PDE1C: variants seen among roughly 807,000 people sequenced by gnomAD.
PDE1C encodes dual specificity calcium/calmodulin-dependent 3',5'-cyclic nucleotide phosphodiesterase 1C.
In PDE1C, 62 loss-of-function variants were observed where a neutral mutation model predicts 93.1. The ratio of observed to expected loss-of-function variants is 0.67; its 90% confidence interval spans 0.54 to 0.82. The LOEUF is 0.82. PDE1C is among the 40% of genes least tolerant of loss of function. The pLI, the probability that PDE1C is intolerant of heterozygous loss-of-function variation, is 0.00. For synonymous variants in PDE1C, 325 were observed against 310.1 expected (o/e 1.05, Z -0.50); for missense variants, 742 against 884.6 (o/e 0.84, Z 2.04).
chr7:32,070,406 G>T lies in PDE1C; in HGVS notation c.-13C>A, dbSNP rs775074520. The T allele has an allele frequency of 6.2e-7, 1 of 1,613,910 alleles. No individual in the cohort carries two copies. Among genetic ancestry groups the T allele is most frequent in the African/African-American group, 1.3e-5 (1 of 74,942 alleles). ...TTGGCGACTCCATAGCTGCAGGTAGGTGACCACTGGCGGTGAAGCTGAGAT... is the reference window on the plus strand; with the variant it reads ...TTGGCGACTCCATAGCTGCAGGTAGTTGACCACTGGCGGTGAAGCTGAGAT... On this transcript the variant is annotated 5_prime_UTR_variant, in exon 1 of 18. Transcript: ENST00000396191.
chr7:32,191,017 A>C (rs1000937193), intron 2 of PDE1C, among the ~76,000 whole-genome samples: 2 of 152,118 alleles, frequency 1.3e-5, no homozygotes, highest in African/African-American at 2.4e-5. Flanking sequence ...CAACTAGTTA[A>C]ATTTTTCTGG....
intron 9 of PDE1C, among the ~76,000 whole-genome samples, chr7:31,845,156 T>C (rs1275223024): frequency 6.6e-6 from 1 of 152,160 alleles, no homozygotes; most frequent in African/African-American, 2.4e-5. Context: ...AAAATAATTT[T>C]ATACACAAGC....
chr7:32,329,684 A>G (rs12536248), intron 1 of PDE1C, among the ~76,000 whole-genome samples: 11,667 of 152,322 alleles, frequency 0.077, 524 homozygotes, highest in East Asian at 0.13. Context: ...CTATACTTCT[A>G]CTACCCAGGA....
chr7:31,626,621 C>A, the PDE1C span, among the ~76,000 whole-genome samples: 1 of 152,132 alleles, frequency 6.6e-6, no homozygotes, highest in South Asian at 2.1e-4. Flanking sequence ...TGAATCAAAA[C>A]AGTTTTTGAC....
intron 2 of PDE1C, among the ~76,000 whole-genome samples, chr7:31,881,835 T>C (rs987298044): frequency 2.0e-5 from 3 of 152,074 alleles, no homozygotes; most frequent in African/African-American, 7.3e-5. Context: ...TGTGACTCGG[T>C]TGTTCTTTGA....
At chr7:31,731,230 A>G in the PDE1C span, among the ~76,000 whole-genome samples, 1 of 152,098 alleles carries the variant, frequency 6.6e-6, no homozygotes, top group South Asian at 2.1e-4. Context: ...AGCACACCTC[A>G]CCAAGCTCAC....
At chr7:32,059,326 G>C (rs537490404) in intron 1 of PDE1C, among the ~76,000 whole-genome samples, 2 of 152,296 alleles carry the variant, frequency 1.3e-5, no homozygotes, top group South Asian at 4.1e-4. Flanking sequence ...TTAGGAGCAA[G>C]TGCATTTCTA....
chr7:32,198,050 T>A (rs1158053380), intron 2 of PDE1C, among the ~76,000 whole-genome samples: 1 of 152,222 alleles, frequency 6.6e-6, no homozygotes, highest in East Asian at 1.9e-4. Flanking sequence ...GTGAATTACA[T>A]AAATAATGGT....
At chr7:32,035,476 A>G (rs1381436149) in intron 2 of PDE1C, among the ~76,000 whole-genome samples, 2 of 152,040 alleles carry the variant, frequency 1.3e-5, no homozygotes, top group African/African-American at 4.8e-5. Context: ...CTCTTTCTTT[A>G]ACTCTTACAC....
chr7:32,009,816 C>T (rs1786828354), intron 2 of PDE1C, among the ~76,000 whole-genome samples: 2 of 152,164 alleles, frequency 1.3e-5, no homozygotes, highest in Non-Finnish European at 1.5e-5. Flanking sequence ...GCTATTAGAA[C>T]TGATCAATCA....
At chr7:32,311,706 C>T (rs28784009) in intron 1 of PDE1C, among the ~76,000 whole-genome samples, 2 of 151,770 alleles carry the variant, frequency 1.3e-5, no homozygotes, top group African/African-American at 4.8e-5. Context: ...ATTCAACAAC[C>T]CTTCATGCTA....
intron 1 of PDE1C, among the ~76,000 whole-genome samples, chr7:32,396,461 G>A (rs923721343): frequency 6.6e-6 from 1 of 150,736 alleles, no homozygotes; most frequent in Non-Finnish European, 1.5e-5. Context: ...CTGAACAACA[G>A]AGTGAGACCT....
At chr7:32,054,111 A>G (rs1325771622) in intron 1 of PDE1C, among the ~76,000 whole-genome samples, 1 of 35,396 alleles carries the variant, frequency 2.8e-5, no homozygotes, top group Non-Finnish European at 7.2e-5. Flanking sequence ...TAAAATTTAT[A>G]TTTTAGAAAA....
chr7:32,209,740 A>G lies in PDE1C; in HGVS notation c.86-201T>C, dbSNP rs61456253. On this transcript the variant is annotated intron_variant, in intron 1 of 18. Transcript: ENST00000396193. ...CACCTAAATGAAGTCAAATGTCTCAATCATTTTGATTAGAATATTTGGATG... is the reference window on the plus strand; with the variant it reads ...CACCTAAATGAAGTCAAATGTCTCAGTCATTTTGATTAGAATATTTGGATG... 0.023 allele frequency among the ~76,000 whole-genome samples: 3,507 copies of G among 152,288 alleles called. 77 individuals carry two copies. The highest frequency in any genetic ancestry group is 0.059 in the African/African-American group (2,457 of 41,542).
the PDE1C span, among the ~76,000 whole-genome samples, chr7:31,623,388 TC>T: frequency 2.0e-5 from 3 of 151,298 alleles, no homozygotes; most frequent in African/African-American, 7.3e-5. Flanking sequence ...CAGCAGCACA[TC>T]AAAAAGCTTA....
the PDE1C span, among the ~76,000 whole-genome samples, chr7:31,668,661 T>A: frequency 6.6e-6 from 1 of 152,286 alleles, no homozygotes; most frequent in Admixed American, 6.5e-5. Context: ...TTAGCGGTTG[T>A]CTACGGCTGG....
the PDE1C span, among the ~76,000 whole-genome samples, chr7:31,668,136 C>A: frequency 6.6e-6 from 1 of 152,124 alleles, no homozygotes. Context: ...GGAAATTAGG[C>A]TTTTGTGTGA....
At chr7:31,779,987 G>A (rs921699713) in intron 16 of PDE1C, among the ~76,000 whole-genome samples, 5 of 152,144 alleles carry the variant, frequency 3.3e-5, no homozygotes, top group African/African-American at 1.2e-4. Context: ...GCACACAGAA[G>A]GCTTCAGACC....
chr7:31,925,360 T>C lies in PDE1C; in HGVS notation c.129-44500A>G, dbSNP rs538261294. 7.9e-5 allele frequency among the ~76,000 whole-genome samples: 12 copies of C among 152,272 alleles called. No homozygotes were observed. The South Asian group carries it at 2.5e-3, about 32-fold the overall frequency. ...AATTTGTTAAGTCAACAAATATTGA[T>C]TGTCTGTCATATGTGAGGCACTAGG... is the stretch of plus-strand genomic sequence containing the variant. On this transcript the variant is annotated intron_variant, in intron 2 of 17. Transcript: ENST00000396191.
Sources: allele counts gnomAD v4.1 joint callset (sites outside exome capture counted in the v4.1 genomes callset), GRCh38; gene constraint gnomAD v4.1.1; transcripts MANE v1.5; gene names NCBI Gene and HGNC (gene_info 2026-07-23, HGNC 2026-07-21).